Variants in CARMIL1 observed in about 807,000 individuals in gnomAD.
CARMIL1 encodes the protein capping protein regulator and myosin 1 linker 1.
A neutral mutation model predicts 177.1 loss-of-function variants in CARMIL1; 90 were observed. The ratio of observed to expected loss-of-function variants is 0.51; its 90% CI spans 0.43 to 0.61. The LOEUF is 0.61. Among genes scored for constraint, CARMIL1 ranks in the 20% least tolerant of loss-of-function variants. The pLI is 0.00. For synonymous variants in CARMIL1, 577 were observed against 606.2 expected, an observed-to-expected ratio of 0.95 and a Z score of 0.71; for missense variants, 1,380 against 1,667.0, an observed-to-expected ratio of 0.83 and a Z score of 3.00.
intron 26 of CARMIL1, among the ~76,000 whole-genome samples, chr6:25,543,346 C>A (rs1276911659): frequency 6.6e-6 from 1 of 152,136 alleles, no homozygotes; most frequent in African/African-American, 2.4e-5. Flanking sequence ...GATAAGCCAG[C>A]CTTCTTAGTA....
intron 2 of CARMIL1, among the ~76,000 whole-genome samples, chr6:25,408,312 A>G (rs1226902780): frequency 6.6e-6 from 1 of 151,600 alleles, no homozygotes; most frequent in Admixed American, 6.6e-5. Flanking sequence ...AAAAAAAAAA[A>G]AAGATTTCGG....
At chr6:25,598,276 T>C (rs1815048028) in intron 32 of CARMIL1, among the ~76,000 whole-genome samples, 1 of 152,152 alleles carries the variant, frequency 6.6e-6, no homozygotes, top group Non-Finnish European at 1.5e-5. Flanking sequence ...TCTCACTCTG[T>C]CACCCAGGCT....
rs369895726 is a variant in CARMIL1 at position 25,604,877 on chromosome 6, G to A, written c.3618G>A (p.Ser1206=). The A allele has an allele frequency of 2.3e-4, 363 of 1,594,608 alleles. 1 individual carries two copies. Among genetic ancestry groups the A allele is most frequent in the Middle Eastern group, 1.2e-3 (7 of 6,046 alleles). The change falls in exon 34 of 37, where the codon TCG becomes TCA. Residue 1206 remains serine (S), a synonymous_variant. Transcript: ENST00000329474. Reference sequence around the variant, plus strand: ...CAGCTTTGAGCGGCGTAGAACGGTCGGATGGAGGTGGGGCAGGTAAGTCAG... The same window carrying A: ...CAGCTTTGAGCGGCGTAGAACGGTCAGATGGAGGTGGGGCAGGTAAGTCAG... ...SSPALSGVER[S]DGGGAVPKLH... is the part of the protein sequence containing the mutation.
At chr6:25,330,691 A>T (rs1785538501) in intron 2 of CARMIL1, among the ~76,000 whole-genome samples, 2 of 64,126 alleles carry the variant, frequency 3.1e-5, no homozygotes, top group Non-Finnish European at 4.1e-5. Context: ...TCTCTATTAA[A>T]AAAAAAAAAA....
rs373639329 is a variant in CARMIL1, at chr6:25,606,151, G to A, written c.3725G>A (p.Gly1242Asp). The A allele has an allele frequency of 7.4e-6, 12 of 1,613,824 alleles. No individual in the cohort carries two copies. Among genetic ancestry groups the A allele is most frequent in the Middle Eastern group, 1.6e-4 (1 of 6,084 alleles). Residue 1242 changes from glycine to aspartate, a missense_variant, in exon 35 of 37, where the codon GGC becomes GAC. Coordinates refer to ENST00000329474, the MANE Select transcript of CARMIL1 (RefSeq NM_017640.6). ...NTKAEPKAEA[G>D]SRSRSSSSTP... ...AAAGCAGAACCCAAAGCGGAAGCAGGCTCCAGGTCTCGGAGCTCATCCAGC... is the reference window on the plus strand; with the variant it reads ...AAAGCAGAACCCAAAGCGGAAGCAGACTCCAGGTCTCGGAGCTCATCCAGC...
At position 25,329,318 on chromosome 6, in the gene CARMIL1, A is replaced by G. The variant is rs137970060; in HGVS notation, c.138+44409A>G. Reference sequence around the variant, plus strand: ...TTGTGACCAGGCTCTTTCTTTTAGCAGTGGCAAGCTCTTTTCAGCTTTCTG... The same window carrying G: ...TTGTGACCAGGCTCTTTCTTTTAGCGGTGGCAAGCTCTTTTCAGCTTTCTG... On this transcript the variant is annotated intron_variant, in intron 2 of 36. Transcript: ENST00000329474. Among the ~76,000 whole-genome samples the G allele has an allele frequency of 3.9e-3, 599 of 152,232 alleles. 18 individuals carry two copies. The East Asian group carries it at 0.098, about 25-fold the overall frequency.
At chr6:25,571,994 G>A (rs1424306824) in intron 29 of CARMIL1, among the ~76,000 whole-genome samples, 1 of 152,212 alleles carries the variant, frequency 6.6e-6, no homozygotes, top group Non-Finnish European at 1.5e-5. Context: ...TAAGGCACTT[G>A]AGGGACAGTT....
At chr6:25,358,511 G>T (rs1229618082) in intron 2 of CARMIL1, among the ~76,000 whole-genome samples, 1 of 152,124 alleles carries the variant, frequency 6.6e-6, no homozygotes, top group African/African-American at 2.4e-5. Flanking sequence ...TATAGATAAA[G>T]AAGAGTCAAA....
rs182745899 is a variant in CARMIL1, at chr6:25,619,193, C to T, written c.3980-254C>T. Among the ~76,000 whole-genome samples, 227 of 152,246 alleles carry T rather than the reference C, an allele frequency of 1.5e-3. 2 individuals carry two copies. The highest frequency in any genetic ancestry group is 4.8e-3 in the Admixed American group (74 of 15,298). On this transcript the variant is annotated intron_variant, in intron 36 of 36. Transcript: ENST00000329474. ...GGGGGTCCTAACCTCAGATTCTTGC[C>T]CACATCTATGAGAGGTTCACCCTGT...
intron 11 of CARMIL1, among the ~76,000 whole-genome samples, chr6:25,474,238 G>C (rs1259207825): frequency 2.6e-5 from 4 of 151,452 alleles, no homozygotes; most frequent in Admixed American, 2.0e-4. Flanking sequence ...CTCCCGAGTA[G>C]CTGGGACTAC....
In CARMIL1 at chr6:25,449,935, C is replaced by T. The variant is rs199969829; in HGVS notation, c.409C>T (p.Arg137Cys). ...MKKVSMEPSERLASLQALWDS... is the reference protein window; with the variant it reads ...MKKVSMEPSECLASLQALWDS... ...AAAAGTCTCCATGGAGCCATCTGAG[C>T]GCCTGGCTAGTCTCCAGGCGCTGTG... Residue 137 changes from arginine to cysteine, a missense_variant, in exon 6 of 37, where the codon CGC becomes TGC. Arg to Cys is a radical substitution (Grantham distance 180). Transcript: ENST00000329474. The T allele has an allele frequency of 1.4e-5, 23 of 1,611,562 alleles. No homozygotes were observed. Among genetic ancestry groups the T allele is most frequent in the Middle Eastern group, 1.7e-4 (1 of 6,024 alleles).
chr6:25,563,575 G>A, intron 29 of CARMIL1: 1 of 985,438 alleles, frequency 1.0e-6, no homozygotes, highest in Non-Finnish European at 1.2e-6. Context: ...TGATGTTGAA[G>A]TCTTAGGTAG....
chr6:25,614,307 G>A (rs749726940), intron 36 of CARMIL1, among the ~76,000 whole-genome samples: 1 of 152,184 alleles, frequency 6.6e-6, no homozygotes, highest in Non-Finnish European at 1.5e-5. Context: ...GGACAAGTAA[G>A]GTTAAAACAT....
At chr6:25,332,774 C>CAT in intron 2 of CARMIL1, among the ~76,000 whole-genome samples, 1 of 71,172 alleles carries the variant, frequency 1.4e-5, no homozygotes, top group Non-Finnish European at 3.5e-5. Context: ...CACACACACG[C>CAT]GCACACACAC....
intron 2 of CARMIL1, among the ~76,000 whole-genome samples, chr6:25,367,960 A>T (rs1790011666): frequency 6.6e-6 from 1 of 152,146 alleles, no homozygotes; most frequent in African/African-American, 2.4e-5. Context: ...AGGTTTCCCC[A>T]TGTTGGCCAG....
chr6:25,563,272 C>T, intron 29 of CARMIL1: 1 of 985,402 alleles, frequency 1.0e-6, no homozygotes. Context: ...CAAAAAAGCT[C>T]CAAATTATCA....
intron 8 of CARMIL1, among the ~76,000 whole-genome samples, chr6:25,459,272 T>TCTTTCTTTCTTTCTTTCTTTCTTTC (rs1477339182): frequency 3.7e-5 from 5 of 134,974 alleles, no homozygotes; most frequent in Admixed American, 8.0e-5. Flanking sequence ...CTTTCTTTTT[T>TCTTTCTTTCTTTCTTTCTTTCTTTC]TTTTTTTTAA....
chr6:25,548,525 A>T (rs529251883), intron 26 of CARMIL1, among the ~76,000 whole-genome samples: 1 of 152,162 alleles, frequency 6.6e-6, no homozygotes, highest in East Asian at 1.9e-4. Context: ...TTTGGTTGAG[A>T]CTCACTGGAA....
intron 1 of CARMIL1, 129 bp downstream of exon 1, chr6:25,279,964 G>A: frequency 9.1e-7 from 1 of 1,096,724 alleles, no homozygotes; most frequent in Non-Finnish European, 1.4e-6. Flanking sequence ...GTGGTGTTGG[G>A]CAGGGTCACT....
Sources: gnomAD v4.1 joint callset for allele counts (sites outside exome capture counted in the v4.1 genomes callset) on GRCh38, gnomAD v4.1.1 for gene constraint, MANE v1.5 for transcripts, NCBI Gene and HGNC (gene_info 2026-07-23, HGNC 2026-07-21) for gene names.